Variants in PER2 observed in about 807,000 individuals in gnomAD.
PER2 encodes the protein period circadian regulator 2.
PER2 carries 66 observed loss-of-function variants against 121.0 expected under a neutral mutation model. That is an observed-to-expected ratio of 0.55 (90% CI 0.45 to 0.67). The LOEUF (loss-of-function observed/expected upper bound fraction) is 0.67. PER2 is among the 30% of genes least tolerant of loss of function. PER2 has a pLI of 0.00. For missense variants in PER2, 1,521 were observed against 1,635.0 expected (o/e 0.93, Z 1.20); for synonymous variants, 684 against 659.9 (o/e 1.04, Z -0.56).
chr2:238,276,844 G>A (rs1406697297), intron 3 of PER2, among the ~76,000 whole-genome samples: 2 of 152,180 alleles, frequency 1.3e-5, no homozygotes, highest in African/African-American at 4.8e-5. Flanking sequence ...TACGAAGGGT[G>A]AAGAATGTTC....
At chr2:238,251,541 A>G in intron 20 of PER2, 58 bp downstream of exon 20, 1 of 1,491,390 alleles carries the variant, frequency 6.7e-7, no homozygotes, top group Admixed American at 1.7e-5. Context: ...GTGACTCTGG[A>G]GCAGTGCATC....
chr2:238,259,906 C>T (rs1695875090), intron 14 of PER2, 63 bp downstream of exon 14: 1 of 721,930 alleles, frequency 1.4e-6, no homozygotes, highest in Non-Finnish European at 2.5e-6. Context: ...AACCCAGGTT[C>T]CCTCTTCTCA....
intron 14 of PER2, among the ~76,000 whole-genome samples, chr2:238,259,116 T>C (rs993627714): frequency 1.3e-5 from 2 of 152,206 alleles, no homozygotes; most frequent in Admixed American, 6.5e-5. Flanking sequence ...GCCTGTCCCC[T>C]AGGGACCCTC....
Position 238,277,116 on chromosome 2 carries a change from T to C in PER2, c.293+15A>G. 1 of 1,580,892 alleles carries C rather than the reference T, an allele frequency of 6.3e-7. No individual in the cohort carries two copies. The highest frequency in any genetic ancestry group is 1.1e-5 in the South Asian group (1 of 90,450). Reference sequence around the variant, plus strand: ...TCTCTAAAACCTCTATGTATGAAGTTCTAATTGGCCTTACCTGCAGCCACT... The same window carrying C: ...TCTCTAAAACCTCTATGTATGAAGTCCTAATTGGCCTTACCTGCAGCCACT... On this transcript the variant is annotated intron_variant, in intron 3 of 22. Transcript: ENST00000254657.
At position 238,275,865 on chromosome 2, in the gene PER2, T is replaced by G; in HGVS notation, c.326A>C (p.Lys109Thr). ...SDQSSKVDTH[K>T]ELIKTLKELK... ...CTCCTTTAGTGTTTTTATCAGTTCT[T>G]TGTGTGTGTCCACTTTCGAAGACTG... The change falls in exon 4 of 23, where the codon AAA (lysine) becomes ACA (threonine). Residue 109 changes from lysine to threonine, a missense_variant. Lys to Thr is a moderately conservative substitution (Grantham distance 78). Coordinates refer to ENST00000254657, the MANE Select transcript of PER2 (RefSeq NM_022817.3). 2 of 1,614,256 alleles carry G rather than the reference T, an allele frequency of 1.2e-6. No individual in the cohort carries two copies. Among genetic ancestry groups the G allele is most frequent in the Non-Finnish European group, 1.7e-6 (2 of 1,180,038 alleles).
At position 238,277,952 on chromosome 2, in the gene PER2, G is replaced by T. The variant is rs570615419; in HGVS notation, c.-16C>A. On this transcript the variant is annotated 5_prime_UTR_variant, in exon 2 of 23. Transcript: ENST00000254657. ...ATCCATTCATGCTGGGCTCTGGAAC[G>T]AAGCTGGCAAACAGAGGGATGCTGT... is the stretch of plus-strand genomic sequence containing the variant. 1.7e-4 allele frequency: 276 copies of T among 1,611,832 alleles called. 2 individuals carry two copies. In the Middle Eastern group the frequency reaches 3.3e-3, roughly 20 times the overall value.
chr2:238,245,460 T>C lies in PER2; in HGVS notation c.*915A>G. On this transcript the variant is annotated 3_prime_UTR_variant, in exon 23 of 23. Coordinates refer to ENST00000254657, the MANE Select transcript of PER2 (RefSeq NM_022817.3). ...CTGCTCTCGGCCAGGAGATGTGATG[T>C]GGGCTTGGCTGGGTGGAAGCAGATG... 1 of 397,754 alleles carries C rather than the reference T, an allele frequency of 2.5e-6. No homozygotes were observed. The highest frequency in any genetic ancestry group is 3.6e-5 in the East Asian group (1 of 28,048). The allele number at this position is 397,754 out of a possible 1,614,324, so 24.6% of individuals were successfully genotyped here.
intron 1 of PER2, among the ~76,000 whole-genome samples, chr2:238,286,267 T>C (rs1696780605): frequency 6.6e-6 from 1 of 152,156 alleles, no homozygotes; most frequent in Non-Finnish European, 1.5e-5. Flanking sequence ...GATTCCTCTA[T>C]GTCACCCCAG....
intron 1 of PER2, among the ~76,000 whole-genome samples, chr2:238,284,872 C>A (rs1183319714): frequency 6.6e-6 from 1 of 152,250 alleles, no homozygotes; most frequent in Non-Finnish European, 1.5e-5. Context: ...AATAGACCAG[C>A]CTCATTTTGA....
In PER2 at chr2:238,246,479, G is replaced by A; in HGVS notation, c.3664C>T (p.Pro1222Ser). The A allele has an allele frequency of 1.3e-6, 2 of 1,589,904 alleles. No individual in the cohort carries two copies. The highest frequency in any genetic ancestry group is 1.3e-5 in the African/African-American group (1 of 74,538). Residue 1222 changes from proline (P) to serine (S), a missense_variant, in exon 23 of 23, where the codon CCA becomes TCA. Physicochemically the swap from Pro to Ser is moderately conservative, Grantham distance 74. Coordinates refer to ENST00000254657, the MANE Select transcript of PER2 (RefSeq NM_022817.3). The part of the protein sequence containing the change: ...ENKEKGNICI[P>S]YEEDIPSLGL... ...AGAGAAGGAATATCTTCCTCATATGGTATGCAAATATTACCTTTTTCCTTG... is the reference window on the plus strand; with the variant it reads ...AGAGAAGGAATATCTTCCTCATATGATATGCAAATATTACCTTTTTCCTTG...
chr2:238,291,812 CAG>C (rs753033626), upstream of PER2, among the ~76,000 whole-genome samples: 5 of 152,196 alleles, frequency 3.3e-5, no homozygotes, highest in Non-Finnish European at 7.4e-5. Context: ...TCCAGGGTCT[CAG>C]GGTGAGACAA....
At chr2:238,290,229 C>G (rs1297459064), upstream of PER2, 2 of 152,294 alleles carry the variant, frequency 1.3e-5, no homozygotes, top group Non-Finnish European at 2.9e-5. Flanking sequence ...TGTTCACACA[C>G]TCAGTCAGGT....
chr2:238,254,759 T>C (rs1313691997), intron 18 of PER2: 1 of 152,262 alleles, frequency 6.6e-6, no homozygotes, highest in Non-Finnish European at 1.5e-5. Context: ...GTACACCTTT[T>C]TCTAATTTCT....
At position 238,271,599 on chromosome 2, in the gene PER2, C is replaced by T. The variant is rs558809308; in HGVS notation, c.571-86G>A. Reference sequence around the variant, plus strand: ...CTCAGGCAGGCAGGCTGGAGGGAGCCGCCCACCAGGAGCGTTGGAGGTGGG... The same window carrying T: ...CTCAGGCAGGCAGGCTGGAGGGAGCTGCCCACCAGGAGCGTTGGAGGTGGG... On this transcript the variant is annotated intron_variant, in intron 5 of 22. Transcript: ENST00000254657. 44 of 1,031,740 alleles carry T rather than the reference C, an allele frequency of 4.3e-5. 1 individual carries two copies. Among genetic ancestry groups the T allele is most frequent in the African/African-American group, 2.0e-4 (13 of 64,226 alleles). 63.9% of individuals were successfully genotyped at this position (1,031,740 alleles called of 1,614,324 possible).
the PER2 span, among the ~76,000 whole-genome samples, chr2:238,297,060 C>A: frequency 6.6e-6 from 1 of 152,280 alleles, no homozygotes; most frequent in East Asian, 1.9e-4. Flanking sequence ...CAAATAACCC[C>A]CAAAAGGGGT....
intron 1 of PER2, among the ~76,000 whole-genome samples, chr2:238,282,792 A>T (rs1447045714): frequency 6.6e-6 from 1 of 152,156 alleles, no homozygotes; most frequent in East Asian, 1.9e-4. Context: ...TATACAGTAG[A>T]GTAGGCAACT....
chr2:238,296,782 G>C, the PER2 span, among the ~76,000 whole-genome samples: 8 of 152,224 alleles, frequency 5.3e-5, 1 homozygote, highest in Admixed American at 3.9e-4. Context: ...GCGGCCCCAG[G>C]GGGGGTTCCC....
chr2:238,260,927 G>A lies in PER2; in HGVS notation c.1443C>T (p.Gly481=). The A allele has an allele frequency of 1.2e-6, 2 of 1,613,480 alleles. No homozygotes were observed. Among genetic ancestry groups the A allele is most frequent in the Non-Finnish European group, 1.7e-6 (2 of 1,180,004 alleles). ...LQPVPHSGSS[G]YGSLGSNGSH... ...ACCCGTTGCTGCCCAGACTCCCGTA[G>A]CCACTGGAGCCGCTGTGGGGGACGG... The change falls in exon 13 of 23, where the codon GGC becomes GGT. Residue 481 remains glycine (G), a synonymous_variant. Transcript: ENST00000254657.
chr2:238,262,282 C>T lies in PER2; in HGVS notation c.1216G>A (p.Glu406Lys). Residue 406 changes from glutamate (E) to lysine (K), a missense_variant, in exon 11 of 23, where the codon GAG becomes AAG. Glu to Lys is a moderately conservative substitution (Grantham distance 56, BLOSUM62 1). Transcript: ENST00000254657. ...SPIRFRARNGEYITLDTSWSS... is the reference protein window; with the variant it reads ...SPIRFRARNGKYITLDTSWSS... The stretch of plus-strand genomic sequence containing the variant: ...CAGCTGGTGTCCAACGTGATGTACT[C>T]TCCGTTCCGGGCGCGAAACCGAATG... 1 of 1,614,024 alleles carries T rather than the reference C, an allele frequency of 6.2e-7. No homozygotes were observed. Among genetic ancestry groups the T allele is most frequent in the Non-Finnish European group, 8.5e-7 (1 of 1,179,932 alleles).
Sources: gnomAD v4.1 joint callset for allele counts (sites outside exome capture counted in the v4.1 genomes callset) on GRCh38, gnomAD v4.1.1 for gene constraint, MANE v1.5 for transcripts, NCBI Gene and HGNC (gene_info 2026-07-23, HGNC 2026-07-21) for gene names.